TBC1D26: variants seen among roughly 807,000 people sequenced by gnomAD.
TBC1D26 encodes TBC1 domain family member 26.
TBC1D26 carries 19 observed loss-of-function variants against 42.5 expected under a neutral mutation model. The observed-to-expected ratio is 0.45, with a 90% CI of 0.31 to 0.66. TBC1D26 has a LOEUF of 0.66. Ranked by LOEUF, TBC1D26 falls within the 30% of genes least tolerant of loss-of-function variation. The pLI is 0.06. For synonymous variants in TBC1D26, 97 were observed against 123.5 expected (o/e 0.79, Z 1.42); for missense variants, 228 against 332.6 (o/e 0.69, Z 2.45).
intron 10 of TBC1D26, 188 bp downstream of exon 10, chr17:15,741,409 C>T (rs1321765635): frequency 4.1e-6 from 4 of 978,448 alleles, no homozygotes; most frequent in Non-Finnish European, 5.9e-6. Context: ...TGGACAGGAA[C>T]CCCCTCACCT....
At chr17:15,734,293 T>G (rs1447553866) in intron 1 of TBC1D26, among the ~76,000 whole-genome samples, 3 of 152,010 alleles carry the variant, frequency 2.0e-5, no homozygotes, top group African/African-American at 7.2e-5. Flanking sequence ...ACAGAGCCCC[T>G]GTGGGTGGGG....
intron 10 of TBC1D26, 40 bp downstream of exon 10, chr17:15,741,261 C>T (rs765265051): frequency 1.1e-5 from 18 of 1,611,452 alleles, no homozygotes; most frequent in African/African-American, 6.7e-5. Context: ...CAGCTGCCCC[C>T]GGGGCCTTAC....
intron 1 of TBC1D26, 189 bp from the exon 2 acceptor site, chr17:15,734,741 T>A (rs1967564849): frequency 6.0e-6 from 1 of 167,306 alleles, no homozygotes; most frequent in Non-Finnish European, 1.3e-5. Flanking sequence ...AGCTGGGAAT[T>A]GTGGTGTCCA....
chr17:15,738,442 G>T (rs370239941), intron 7 of TBC1D26, 55 bp downstream of exon 7: 19 of 1,592,534 alleles, frequency 1.2e-5, no homozygotes, highest in African/African-American at 4.0e-5. Context: ...TGTATCAGGA[G>T]CCCAGGACTC....
At chr17:15,741,811 G>C in intron 10 of TBC1D26, 131 bp from the exon 11 acceptor site, 1 of 805,120 alleles carries the variant, frequency 1.2e-6, no homozygotes, top group South Asian at 1.7e-5. Flanking sequence ...GAGGCTACAT[G>C]CTGGGGTCAC....
chr17:15,734,577 T>A (rs1048598474), intron 1 of TBC1D26: 2 of 152,622 alleles, frequency 1.3e-5, no homozygotes, highest in African/African-American at 2.4e-5. Context: ...CGTCCCATTC[T>A]CTCTGTCTGG....
chr17:15,736,673 C>T (rs1168456667), intron 4 of TBC1D26: 219 of 152,048 alleles, frequency 1.4e-3, no homozygotes, highest in Middle Eastern at 6.9e-3. Flanking sequence ...GGCCAATGAC[C>T]CTGAGAGCCA....
intron 1 of TBC1D26, chr17:15,734,647 C>A: frequency 6.4e-6 from 1 of 155,966 alleles, no homozygotes; most frequent in South Asian, 1.8e-4. Flanking sequence ...ACGGTTCCCC[C>A]AGGTGTTCTC....
intron 4 of TBC1D26, among the ~76,000 whole-genome samples, chr17:15,736,142 G>A (rs1300168317): frequency 1.3e-4 from 20 of 152,306 alleles, no homozygotes; most frequent in Non-Finnish European, 2.4e-4. Flanking sequence ...GAGGGCCTTG[G>A]CCCTGGCCCT....
chr17:15,742,123 G>A, intron 11 of TBC1D26, 87 bp downstream of exon 11: 1 of 1,157,168 alleles, frequency 8.6e-7, no homozygotes, highest in Non-Finnish European at 1.2e-6. Flanking sequence ...GGGCTGGCAA[G>A]AGGCTGAGTC....
chr17:15,743,548 C>A, intron 14 of TBC1D26, 32 bp downstream of exon 14: 2 of 939,458 alleles, frequency 2.1e-6, no homozygotes, highest in South Asian at 4.7e-5. Flanking sequence ...CCTCTGGAGT[C>A]ACCCTCTGGG....
At chr17:15,738,916 C>T in intron 8 of TBC1D26, 86 bp downstream of exon 8, 4 of 1,589,534 alleles carry the variant, frequency 2.5e-6, no homozygotes, top group South Asian at 1.1e-5. Context: ...AGGCCAGGGT[C>T]ACCCAGGAGA....
chr17:15,741,439 C>A, intron 10 of TBC1D26: 1 of 742,658 alleles, frequency 1.3e-6, no homozygotes, highest in Non-Finnish European at 2.1e-6. Flanking sequence ...CGGCTTTCAT[C>A]CCTAACATCA....
chr17:15,740,020 T>C lies in TBC1D26; in HGVS notation c.498-80T>C, dbSNP rs975161578. The C allele has an allele frequency of 3.8e-5, 59 of 1,539,844 alleles. 1 individual carries two copies. In the Middle Eastern group the frequency reaches 5.2e-4, roughly 14 times the overall value. ...CATCTGAACCCAGAATTGTGTTCGTTATTTGGGTTTGTAGACAAAATGAAA... is the reference window on the plus strand; with the variant it reads ...CATCTGAACCCAGAATTGTGTTCGTCATTTGGGTTTGTAGACAAAATGAAA... On this transcript the variant is annotated intron_variant, in intron 8 of 14. Coordinates refer to ENST00000437605, the MANE Select transcript of TBC1D26 (RefSeq NM_001388465.1).
At position 15,741,940 on chromosome 17, in the gene TBC1D26, A is replaced by T; in HGVS notation, c.647-2A>T. On this transcript the variant is annotated splice_acceptor_variant, in intron 10 of 14. Coordinates refer to ENST00000437605, the MANE Select transcript of TBC1D26 (RefSeq NM_001388465.1). LOFTEE classifies it high-confidence loss of function. Reference sequence around the variant, plus strand: ...TGGGGTGATGGGTCGCGGGCTTCTCAGTATTCTACAGCCCAAATACTGCCT... The same window carrying T: ...TGGGGTGATGGGTCGCGGGCTTCTCTGTATTCTACAGCCCAAATACTGCCT... 1 of 1,613,910 alleles carries T rather than the reference A, an allele frequency of 6.2e-7. No individual in the cohort carries two copies. Among genetic ancestry groups the T allele is most frequent in the Non-Finnish European group, 8.5e-7 (1 of 1,179,904 alleles).
chr17:15,740,940 C>G, intron 9 of TBC1D26, 182 bp from the exon 10 acceptor site: 3 of 769,540 alleles, frequency 3.9e-6, no homozygotes, highest in South Asian at 3.6e-5. Context: ...CTGAGTTGTG[C>G]GTGACCTGCT....
At chr17:15,742,672 C>T (rs1196726417) in intron 12 of TBC1D26, among the ~76,000 whole-genome samples, 193 bp downstream of exon 12, 2 of 152,204 alleles carry the variant, frequency 1.3e-5, no homozygotes, top group Non-Finnish European at 2.9e-5. Flanking sequence ...ACCCGACTTG[C>T]GAGGGCCCAG....
At chr17:15,734,632 G>C (rs968510718) in intron 1 of TBC1D26, 3 of 154,794 alleles carry the variant, frequency 1.9e-5, no homozygotes, top group African/African-American at 4.8e-5. Context: ...TATTCCTGGG[G>C]GGGGACGGTT....
chr17:15,734,353 C>A (rs995175246), intron 1 of TBC1D26, among the ~76,000 whole-genome samples: 3 of 152,140 alleles, frequency 2.0e-5, no homozygotes, highest in Non-Finnish European at 4.4e-5. Context: ...TTGGTCCCCA[C>A]AGGAGGAGGT....
Sources: allele counts gnomAD v4.1 joint callset (sites outside exome capture counted in the v4.1 genomes callset), GRCh38; gene constraint gnomAD v4.1.1; transcripts MANE v1.5; gene names NCBI Gene and HGNC (gene_info 2026-07-23, HGNC 2026-07-21).